Variants in ERC2 observed in about 807,000 individuals in gnomAD.
ERC2 encodes ELKS/RAB6-interacting/CAST family member 2.
A neutral mutation model predicts 114.8 loss-of-function variants in ERC2; 42 were observed. That is an observed-to-expected ratio of 0.37 (90% CI 0.29 to 0.47). The LOEUF (loss-of-function observed/expected upper bound fraction) is 0.47. Ranked by LOEUF, ERC2 falls within the 20% of genes least tolerant of loss-of-function variation. The pLI is 0.99. For missense variants in ERC2, 939 were observed against 1,150.7 expected (o/e 0.82, Z 2.66); for synonymous variants, 454 against 425.5 (o/e 1.07, Z -0.82).
chr3:56,149,170 A>G, intron 4 of ERC2, 38 bp from the exon 5 acceptor site: 1 of 1,505,550 alleles, frequency 6.6e-7, no homozygotes, highest in Non-Finnish European at 8.9e-7. Context: ...AAAATAAAGA[A>G]TAAAAATTAT....
chr3:56,226,049 T>C (rs2050230015), intron 3 of ERC2, among the ~76,000 whole-genome samples: 1 of 152,194 alleles, frequency 6.6e-6, no homozygotes, highest in Non-Finnish European at 1.5e-5. Context: ...TTCTACTATT[T>C]TTCCAGTGAA....
chr3:56,165,909 T>C lies in ERC2; in HGVS notation c.1149+7537A>G, dbSNP rs563360383. Among the ~76,000 whole-genome samples, 3 of 152,048 alleles carry C rather than the reference T, an allele frequency of 2.0e-5. No individual in the cohort carries two copies. The South Asian group carries it at 6.2e-4, about 32-fold the overall frequency. ...TTTTTTTCTTTCTAATTTTTATACC[T>C]AGGATGTCCATAGCATTATCGAACA... On this transcript the variant is annotated intron_variant, in intron 4 of 17. Transcript: ENST00000288221.
chr3:55,960,126 T>C (rs563693455), intron 12 of ERC2, among the ~76,000 whole-genome samples: 1 of 152,284 alleles, frequency 6.6e-6, no homozygotes, highest in East Asian at 1.9e-4. Context: ...CACTCTTGCT[T>C]CTCTTTTCAT....
chr3:56,118,723 G>A lies in ERC2; in HGVS notation c.1473+20786C>T, dbSNP rs184089298. ...GTGATCTCGGCTCACTGCAAGTTCC[G>A]CCTCCCGGGTTCACGCCATTCTCCT... On this transcript the variant is annotated intron_variant, in intron 6 of 17. Coordinates refer to ENST00000288221, the MANE Select transcript of ERC2 (RefSeq NM_015576.3). 3.7e-3 allele frequency among the ~76,000 whole-genome samples: 542 copies of A among 146,468 alleles called. 1 individual carries two copies. The highest frequency in any genetic ancestry group is 0.022 in the Middle Eastern group (6 of 276).
chr3:56,065,370 G>A (rs2076422788), intron 7 of ERC2, among the ~76,000 whole-genome samples: 1 of 151,650 alleles, frequency 6.6e-6, no homozygotes, highest in South Asian at 2.1e-4. Context: ...CTACAGGCAC[G>A]CACTACCATG....
At chr3:56,205,449 G>A (rs922980350) in intron 3 of ERC2, among the ~76,000 whole-genome samples, 3 of 152,164 alleles carry the variant, frequency 2.0e-5, no homozygotes, top group African/African-American at 7.2e-5. Flanking sequence ...TCTAGCATCT[G>A]ATTAATGTCT....
At chr3:56,445,192 C>T (rs2062504014) in intron 1 of ERC2, among the ~76,000 whole-genome samples, 1 of 152,298 alleles carries the variant, frequency 6.6e-6, no homozygotes, top group Non-Finnish European at 1.5e-5. Context: ...GACATGTACC[C>T]TCCAGTTTGC....
At chr3:55,530,803 G>A (rs955954203) in intron 17 of ERC2, among the ~76,000 whole-genome samples, 1 of 152,172 alleles carries the variant, frequency 6.6e-6, no homozygotes. Flanking sequence ...TCAAATCCAA[G>A]TGTTAAGTGT....
chr3:56,294,187 A>T (rs763184490), intron 3 of ERC2, among the ~76,000 whole-genome samples: 8 of 152,266 alleles, frequency 5.3e-5, no homozygotes, highest in Non-Finnish European at 1.2e-4. Context: ...ATGAAGTAAG[A>T]CATGGAGAAA....
intron 4 of ERC2, among the ~76,000 whole-genome samples, chr3:56,159,392 T>C (rs1316159439): frequency 1.3e-5 from 2 of 152,230 alleles, no homozygotes; most frequent in Admixed American, 6.5e-5. Flanking sequence ...TAGTACATTT[T>C]CCCCGAAGTT....
intron 2 of ERC2, among the ~76,000 whole-genome samples, chr3:56,317,001 T>C (rs1015997920): frequency 1.3e-5 from 2 of 152,250 alleles, no homozygotes; most frequent in Non-Finnish European, 1.5e-5. Context: ...CTAAGCACTA[T>C]GCTAAGGCAT....
intron 17 of ERC2, among the ~76,000 whole-genome samples, chr3:55,512,161 C>T (rs75071342): frequency 0.017 from 2,541 of 152,242 alleles, 37 homozygotes; most frequent in Non-Finnish European, 0.022. Context: ...CAGCATTTTT[C>T]GAGTCACGCC....
intron 15 of ERC2, among the ~76,000 whole-genome samples, chr3:55,714,892 G>C (rs868274408): frequency 2.0e-4 from 30 of 151,250 alleles, no homozygotes; most frequent in Admixed American, 3.3e-4. Flanking sequence ...AAAATGCAGA[G>C]ATATAAATTA....
chr3:55,778,493 A>C lies in ERC2; in HGVS notation c.2565-43575T>G, dbSNP rs147696918. Among the ~76,000 whole-genome samples, 461 of 152,324 alleles carry C rather than the reference A, an allele frequency of 3.0e-3. 4 individuals are homozygous for C. The highest frequency in any genetic ancestry group is 0.011 in the African/African-American group (439 of 41,578). ...TGGCATGGGGAGGTCTTTTCAAAAG[A>C]CAGGAAATCCAGATGCTATAAAGGA... On this transcript the variant is annotated intron_variant, in intron 14 of 17. Transcript: ENST00000288221.
chr3:56,069,407 C>T (rs534941473), intron 7 of ERC2, among the ~76,000 whole-genome samples: 1 of 152,304 alleles, frequency 6.6e-6, no homozygotes, highest in South Asian at 2.1e-4. Flanking sequence ...CTTAAAACAA[C>T]ATCCATTTAT....
chr3:56,455,028 T>C (rs894092853), intron 1 of ERC2, among the ~76,000 whole-genome samples: 1 of 152,002 alleles, frequency 6.6e-6, no homozygotes, highest in African/African-American at 2.4e-5. Flanking sequence ...GAAAGTATAA[T>C]GGTGGTTTCC....
intron 14 of ERC2, chr3:55,852,672 C>A (rs2061626056): frequency 6.6e-6 from 1 of 152,600 alleles, no homozygotes; most frequent in Non-Finnish European, 1.5e-5. Context: ...CATTTTTATA[C>A]CTGAAGTTAC....
At chr3:55,555,744 G>A (rs1351221354) in intron 17 of ERC2, among the ~76,000 whole-genome samples, 1 of 152,186 alleles carries the variant, frequency 6.6e-6, no homozygotes, top group Non-Finnish European at 1.5e-5. Flanking sequence ...GAAGCTGACG[G>A]GCCAGGCAGA....
intron 14 of ERC2, among the ~76,000 whole-genome samples, chr3:55,878,211 C>T (rs2062954463): frequency 6.6e-6 from 1 of 152,306 alleles, no homozygotes; most frequent in Middle Eastern, 3.4e-3. Context: ...ACTTCTCTAG[C>T]TCAGAAAATG....
Sources: gnomAD v4.1 joint callset for allele counts (sites outside exome capture counted in the v4.1 genomes callset) on GRCh38, gnomAD v4.1.1 for gene constraint, MANE v1.5 for transcripts, NCBI Gene and HGNC (gene_info 2026-07-23, HGNC 2026-07-21) for gene names.